The following TBC1D5 variants were observed in gnomAD, a reference collection of about 807,000 sequenced individuals.
TBC1D5 encodes the protein TBC1 domain family member 5.
A neutral mutation model predicts 100.3 loss-of-function variants in TBC1D5; 75 were observed. The observed-to-expected ratio is 0.75, with a 90% CI of 0.62 to 0.91. TBC1D5 has a LOEUF of 0.91. Ranked by LOEUF, TBC1D5 falls within the 40% of genes least tolerant of loss-of-function variation. The probability of loss-of-function intolerance (pLI) is 0.00; values close to 1 mark genes in which losing one functional copy is unlikely to be tolerated. For missense variants in TBC1D5, 910 were observed against 942.4 expected (o/e 0.97, Z 0.45); for synonymous variants, 323 against 325.6 (o/e 0.99, Z 0.09).
At chr3:17,484,458 GT>G (rs1439428549) in intron 3 of TBC1D5, among the ~76,000 whole-genome samples, 15 of 53,996 alleles carry the variant, frequency 2.8e-4, no homozygotes, top group African/African-American at 5.9e-4. Flanking sequence ...ACACCAGGGT[GT>G]GTGTGTGTGT....
intron 3 of TBC1D5, among the ~76,000 whole-genome samples, chr3:17,444,777 T>C (rs2094746119): frequency 6.6e-6 from 1 of 152,122 alleles, no homozygotes; most frequent in Non-Finnish European, 1.5e-5. Context: ...TTGCTCAAAT[T>C]TTTAACAATA....
At chr3:17,282,867 T>C (rs571447112) in intron 15 of TBC1D5, among the ~76,000 whole-genome samples, 2 of 152,344 alleles carry the variant, frequency 1.3e-5, no homozygotes, top group South Asian at 4.1e-4. Context: ...CAAATAAAAA[T>C]TTATTAGAGA....
chr3:17,709,662 G>A (rs542941869), intron 1 of TBC1D5, among the ~76,000 whole-genome samples: 3 of 152,194 alleles, frequency 2.0e-5, no homozygotes, highest in East Asian at 3.9e-4. Context: ...AGACTAGAAA[G>A]CCAAGGCAGG....
chr3:17,337,048 C>T (rs550391035), intron 13 of TBC1D5, among the ~76,000 whole-genome samples: 1 of 150,022 alleles, frequency 6.7e-6, no homozygotes, highest in South Asian at 2.1e-4. Flanking sequence ...CAGCATTATT[C>T]GAAAAAAGTC....
At chr3:17,689,196 A>G (rs1030254552) in intron 1 of TBC1D5, among the ~76,000 whole-genome samples, 1 of 152,192 alleles carries the variant, frequency 6.6e-6, no homozygotes, top group African/African-American at 2.4e-5. Flanking sequence ...ATAGCAAACA[A>G]ACAAAAAAGT....
chr3:17,184,009 A>C (rs997161414), intron 19 of TBC1D5, among the ~76,000 whole-genome samples: 1 of 152,222 alleles, frequency 6.6e-6, no homozygotes, highest in African/African-American at 2.4e-5. Flanking sequence ...TAATTTATTC[A>C]TAAGTTACCA....
intron 7 of TBC1D5, among the ~76,000 whole-genome samples, chr3:17,404,330 A>AG (rs1391056294): frequency 6.6e-6 from 1 of 152,044 alleles, no homozygotes; most frequent in Non-Finnish European, 1.5e-5. Context: ...AGTTAGCCCT[A>AG]CTAAGTGAGC....
chr3:17,396,308 G>A, intron 8 of TBC1D5, among the ~76,000 whole-genome samples: 1 of 152,002 alleles, frequency 6.6e-6, no homozygotes. Flanking sequence ...CAGGAATATG[G>A]CAGCTTGTAT....
At chr3:17,345,016 C>T (rs552773586) in intron 13 of TBC1D5, among the ~76,000 whole-genome samples, 64 of 152,290 alleles carry the variant, frequency 4.2e-4, no homozygotes, top group Non-Finnish European at 2.6e-4. Flanking sequence ...TGGGCAAGGA[C>T]TTCATGTCTA....
At chr3:17,547,886 AC>A (rs2096434186) in intron 2 of TBC1D5, among the ~76,000 whole-genome samples, 1 of 152,248 alleles carries the variant, frequency 6.6e-6, no homozygotes, top group African/African-American at 2.4e-5. Context: ...AATTTGACTG[AC>A]AAGTTTACAA....
chr3:17,481,544 G>A (rs867548465), intron 3 of TBC1D5, among the ~76,000 whole-genome samples: 1 of 152,184 alleles, frequency 6.6e-6, no homozygotes, highest in African/African-American at 2.4e-5. Context: ...CACAGAGCGA[G>A]ACCTGTATAG....
chr3:17,573,148 C>T (rs561527063), intron 2 of TBC1D5, among the ~76,000 whole-genome samples: 7 of 152,072 alleles, frequency 4.6e-5, no homozygotes, highest in Non-Finnish European at 1.0e-4. Context: ...CCTTTCAAAC[C>T]GCTCCTCTTG....
intron 4 of TBC1D5, 81 bp from the exon 5 acceptor site, chr3:17,406,607 T>C: frequency 1.5e-6 from 2 of 1,333,516 alleles, no homozygotes; most frequent in South Asian, 2.7e-5. Flanking sequence ...GAAATTAATT[T>C]TAAGTAAGTC....
exon 1 of TBC1D5, chr3:17,739,945 C>G (rs1274610981): frequency 2.0e-5 from 3 of 151,656 alleles, no homozygotes; most frequent in Non-Finnish European, 4.4e-5. Context: ...GCGGAGATTG[C>G]GGTGAGCTGA....
At chr3:17,642,826 CA>C (rs2064652702) in intron 1 of TBC1D5, among the ~76,000 whole-genome samples, 2 of 152,072 alleles carry the variant, frequency 1.3e-5, no homozygotes, top group Admixed American at 1.3e-4. Context: ...ATCAAATTTC[CA>C]AAAGGGACTT....
At chr3:17,468,044 G>A (rs1416244701) in intron 3 of TBC1D5, among the ~76,000 whole-genome samples, 1 of 152,142 alleles carries the variant, frequency 6.6e-6, no homozygotes, top group Non-Finnish European at 1.5e-5. Flanking sequence ...TGAATAAGCA[G>A]CATAAAATAA....
At chr3:17,570,174 G>C (rs557515607) in intron 2 of TBC1D5, among the ~76,000 whole-genome samples, 5 of 152,054 alleles carry the variant, frequency 3.3e-5, no homozygotes, top group African/African-American at 1.2e-4. Flanking sequence ...CATCCAGTAA[G>C]TTAACTGGCC....
At chr3:17,405,352 T>C (rs543944853) in intron 5 of TBC1D5, among the ~76,000 whole-genome samples, 2 of 152,190 alleles carry the variant, frequency 1.3e-5, no homozygotes, top group East Asian at 3.9e-4. Flanking sequence ...ATTTAAGGTT[T>C]TGTTTTAAAA....
chr3:17,298,050 A>G (rs1325301954), intron 14 of TBC1D5, among the ~76,000 whole-genome samples: 1 of 152,228 alleles, frequency 6.6e-6, no homozygotes, highest in Non-Finnish European at 1.5e-5. Flanking sequence ...AATAATCAGT[A>G]AGCCTGATTC....
Sources: allele counts gnomAD v4.1 joint callset (sites outside exome capture counted in the v4.1 genomes callset), GRCh38; gene constraint gnomAD v4.1.1; transcripts MANE v1.5; gene names NCBI Gene and HGNC (gene_info 2026-07-23, HGNC 2026-07-21).